The following COP1 variants were observed in gnomAD, a reference collection of about 807,000 sequenced individuals.
COP1 encodes the protein E3 ubiquitin-protein ligase COP1.
A neutral mutation model predicts 101.3 loss-of-function variants in COP1; 24 were observed. The observed-to-expected ratio is 0.24, with a 90% CI of 0.17 to 0.33. The LOEUF (loss-of-function observed/expected upper bound fraction) is 0.33, where lower values mean the gene tolerates loss of function less well. COP1 is among the 10% of genes least tolerant of loss of function. The probability of loss-of-function intolerance (pLI) is 1.00; values close to 1 mark genes in which losing one functional copy is unlikely to be tolerated. For synonymous variants in COP1, 347 were observed against 341.9 expected, an observed-to-expected ratio of 1.01 and a Z score of -0.17; for missense variants, 663 against 906.2, an observed-to-expected ratio of 0.73 and a Z score of 3.45.
intron 9 of COP1, among the ~76,000 whole-genome samples, chr1:176,113,990 A>C (rs1291778157): frequency 6.6e-6 from 1 of 150,748 alleles, no homozygotes; most frequent in African/African-American, 2.4e-5. Flanking sequence ...TGTTTTTTAA[A>C]CGTGGCTAGA....
In COP1 at chr1:176,200,976, C is replaced by T. The variant is rs148766622; in HGVS notation, c.407+5596G>A. On this transcript the variant is annotated intron_variant, in intron 1 of 19. Transcript: ENST00000367669. Reference sequence around the variant, plus strand: ...TGGAGCTGAGACTACAAGCATGCACCATCATGCCCAACTTAAAAAACATTT... The same window carrying T: ...TGGAGCTGAGACTACAAGCATGCACTATCATGCCCAACTTAAAAAACATTT... 3.4e-3 allele frequency among the ~76,000 whole-genome samples: 512 copies of T among 152,256 alleles called. 1 individual carries two copies. The highest frequency in any genetic ancestry group is 6.8e-3 in the Middle Eastern group (2 of 294).
chr1:176,051,151 T>C (rs565181789), intron 11 of COP1, among the ~76,000 whole-genome samples: 1 of 152,210 alleles, frequency 6.6e-6, no homozygotes, highest in South Asian at 2.1e-4. Context: ...GGACAAAATA[T>C]TGATAGAGGA....
intron 2 of COP1, 113 bp downstream of exon 2, chr1:176,184,519 AT>A (rs1341120854): frequency 3.9e-6 from 3 of 778,888 alleles, no homozygotes; most frequent in South Asian, 1.9e-5. Context: ...AAGAAAAAAA[AT>A]ATGACTGTAA....
At chr1:176,096,526 T>C (rs1253459646) in intron 9 of COP1, among the ~76,000 whole-genome samples, 1 of 152,210 alleles carries the variant, frequency 6.6e-6, no homozygotes, top group Non-Finnish European at 1.5e-5. Flanking sequence ...CCCTGCATGG[T>C]TGACTGGCCA....
At chr1:176,165,811 C>A (rs1409789421) in intron 3 of COP1, among the ~76,000 whole-genome samples, 1 of 152,044 alleles carries the variant, frequency 6.6e-6, no homozygotes, top group Non-Finnish European at 1.5e-5. Flanking sequence ...CAGATCAGAG[C>A]CAGATTGTGA....
intron 6 of COP1, among the ~76,000 whole-genome samples, chr1:176,148,564 C>A (rs1691938477): frequency 6.6e-6 from 1 of 152,088 alleles, no homozygotes; most frequent in African/African-American, 2.4e-5. Flanking sequence ...TGCCTTTTAA[C>A]TATCCTCCAT....
At chr1:176,061,732 TA>T (rs1674881003) in intron 11 of COP1, among the ~76,000 whole-genome samples, 3 of 152,068 alleles carry the variant, frequency 2.0e-5, no homozygotes, top group Admixed American at 1.3e-4. Flanking sequence ...AAGTAAAAGC[TA>T]AAGTTATTAC....
At chr1:176,115,991 T>C (rs1174771925) in intron 9 of COP1, among the ~76,000 whole-genome samples, 1 of 152,248 alleles carries the variant, frequency 6.6e-6, no homozygotes, top group Non-Finnish European at 1.5e-5. Context: ...AGATTTATAA[T>C]TTTCATTATC....
intron 8 of COP1, among the ~76,000 whole-genome samples, chr1:176,122,013 G>A (rs974011474): frequency 5.9e-5 from 9 of 151,762 alleles, no homozygotes; most frequent in African/African-American, 2.2e-4. Flanking sequence ...GGTGGCGGGC[G>A]CCTGTAGTCC....
chr1:176,021,558 C>G (rs1357303310), intron 15 of COP1, among the ~76,000 whole-genome samples: 1 of 151,948 alleles, frequency 6.6e-6, no homozygotes, highest in African/African-American at 2.4e-5. Context: ...ATTTTTTAAT[C>G]ATTAAAAATA....
chr1:176,152,977 A>C (rs61821032), intron 5 of COP1, among the ~76,000 whole-genome samples: 10,225 of 152,184 alleles, frequency 0.067, 424 homozygotes, highest in Middle Eastern at 0.12. Flanking sequence ...TTGTATAGAC[A>C]ACAGACTTCA....
chr1:176,136,179 T>C (rs760892197), intron 7 of COP1, among the ~76,000 whole-genome samples: 4 of 152,028 alleles, frequency 2.6e-5, no homozygotes, highest in Non-Finnish European at 5.9e-5. Context: ...AAAAAAAGCA[T>C]TGTAGTGGTA....
rs1428457817 is a variant in COP1, at chr1:176,039,556, CA to C, written c.1612+3629del. 7.6e-5 allele frequency among the ~76,000 whole-genome samples: 11 copies of C among 145,444 alleles called. No individual in the cohort carries two copies. The South Asian group carries it at 2.1e-3, about 27-fold the overall frequency. On this transcript the variant is annotated intron_variant, in intron 14 of 19. Coordinates refer to ENST00000367669, the MANE Select transcript of COP1 (RefSeq NM_022457.7). ...CAATAAGGCTCAATTCAATCCTTAC[CA>C]AAACCTCAAAGAATGTTTTACAGAA... is the stretch of plus-strand genomic sequence containing the variant.
At chr1:176,196,530 G>A (rs1188870518) in intron 1 of COP1, among the ~76,000 whole-genome samples, 2 of 152,070 alleles carry the variant, frequency 1.3e-5, no homozygotes, top group Non-Finnish European at 2.9e-5. Flanking sequence ...AACTACTAAA[G>A]TTCATGAAAT....
intron 11 of COP1, among the ~76,000 whole-genome samples, chr1:176,053,230 T>TCA: frequency 6.6e-6 from 1 of 152,180 alleles, no homozygotes; most frequent in Non-Finnish European, 1.5e-5. Context: ...CCCCTGAATA[T>TCA]ACTGCTTCCT....
At chr1:176,197,590 G>A (rs1286461761) in intron 1 of COP1, among the ~76,000 whole-genome samples, 2 of 151,866 alleles carry the variant, frequency 1.3e-5, no homozygotes, top group Non-Finnish European at 2.9e-5. Flanking sequence ...ATGAAAACCA[G>A]AAAAAAATTA....
chr1:176,169,228 TA>T (rs1364065792), intron 3 of COP1, among the ~76,000 whole-genome samples: 5 of 152,214 alleles, frequency 3.3e-5, no homozygotes, highest in African/African-American at 1.2e-4. Context: ...CAATGCCACT[TA>T]AACTACTTGG....
chr1:176,042,574 A>AC (rs1670793301), intron 14 of COP1, among the ~76,000 whole-genome samples: 1 of 149,630 alleles, frequency 6.7e-6, no homozygotes. Flanking sequence ...AAAAAAAAAA[A>AC]AAAAAAACTA....
intron 18 of COP1, among the ~76,000 whole-genome samples, chr1:175,977,308 T>C (rs1654812838): frequency 5.3e-5 from 8 of 152,128 alleles, no homozygotes; most frequent in Admixed American, 4.6e-4. Flanking sequence ...GCAATCACAA[T>C]TCAAATAAAG....
Sources: allele counts gnomAD v4.1 joint callset (sites outside exome capture counted in the v4.1 genomes callset), GRCh38; gene constraint gnomAD v4.1.1; transcripts MANE v1.5; gene names NCBI Gene and HGNC (gene_info 2026-07-23, HGNC 2026-07-21).